The following VBP1 variants were observed in gnomAD, a reference collection of about 807,000 sequenced individuals.
VBP1 encodes the protein VHL binding protein 1.
VBP1 carries 4 observed loss-of-function variants against 15.5 expected under a neutral mutation model. That is an observed-to-expected ratio of 0.26 (90% confidence interval 0.13 to 0.59). The LOEUF (loss-of-function observed/expected upper bound fraction) is 0.59. Among genes scored for constraint, VBP1 ranks in the 20% least tolerant of loss-of-function variants. The probability of loss-of-function intolerance (pLI) is 0.90; values close to 1 mark genes in which losing one functional copy is unlikely to be tolerated. For missense variants in VBP1, 108 were observed against 139.6 expected, an observed-to-expected ratio of 0.77 and a Z score of 1.14; for synonymous variants, 61 against 52.1, an observed-to-expected ratio of 1.17 and a Z score of -0.74.
At chrX:155,211,278 C>T (rs1368125149) in intron 2 of VBP1, among the ~76,000 whole-genome samples, 1 of 112,084 alleles carries the variant, frequency 8.9e-6, no homozygotes, top group Non-Finnish European at 1.9e-5. Context: ...TACACTGCAT[C>T]GGATTCTTCT....
intron 3 of VBP1, 28 bp from the exon 4 acceptor site, chrX:155,228,356 T>G: frequency 9.0e-7 from 1 of 1,113,004 alleles, no homozygotes; most frequent in Non-Finnish European, 1.2e-6. Flanking sequence ...CTGTTTATGG[T>G]ACTGTCATTT....
chrX:155,203,690 C>T (rs1259046435), intron 1 of VBP1, among the ~76,000 whole-genome samples: 3 of 108,393 alleles, frequency 2.8e-5, no homozygotes, highest in Admixed American at 9.8e-5. Context: ...AGCACACCAG[C>T]GTGGCACATG....
At chrX:155,230,310 T>C (rs2074739427) in intron 4 of VBP1, among the ~76,000 whole-genome samples, 1 of 111,978 alleles carries the variant, frequency 8.9e-6, no homozygotes, top group South Asian at 3.8e-4. Flanking sequence ...CCAAATAAAG[T>C]CACATTCTGA....
chrX:155,203,867 G>A (rs1371526981), intron 1 of VBP1, among the ~76,000 whole-genome samples: 3 of 112,025 alleles, frequency 2.7e-5, no homozygotes, highest in African/African-American at 9.7e-5. Flanking sequence ...AGAGGACATA[G>A]TATACAAAGT....
intron 1 of VBP1, among the ~76,000 whole-genome samples, chrX:155,205,338 G>A (rs782611640): frequency 1.8e-5 from 2 of 111,145 alleles, no homozygotes; most frequent in South Asian, 3.8e-4. Flanking sequence ...CAAATTGCAC[G>A]TGTCCAAAAC....
intron 1 of VBP1, among the ~76,000 whole-genome samples, chrX:155,217,610 G>A (rs1276726039): frequency 1.8e-5 from 2 of 111,957 alleles, no homozygotes; most frequent in Non-Finnish European, 3.8e-5. Flanking sequence ...ATTGAATTTC[G>A]TAATTGGTTA....
intron 5 of VBP1, among the ~76,000 whole-genome samples, chrX:155,237,381 A>G (rs925556778): frequency 5.4e-5 from 6 of 111,726 alleles, no homozygotes; most frequent in Non-Finnish European, 7.5e-5. Flanking sequence ...CAAAACCTGC[A>G]CTCAGAACCT....
At position 155,216,479 on chromosome X, in the gene VBP1, C is replaced by A; in HGVS notation, c.-4C>A. 5 of 1,167,568 alleles carry A rather than the reference C, an allele frequency of 4.3e-6. No individual in the cohort carries two copies. The highest frequency in any genetic ancestry group is 2.4e-4 in the Middle Eastern group (1 of 4,105). ...GGAGGCAGTCGCGCGCTCGCATCCC[C>A]AAGATGGCGGCCGTTAAGGACAGTT... is the stretch of plus-strand genomic sequence containing the variant. On this transcript the variant is annotated 5_prime_UTR_variant, in exon 1 of 6. Coordinates refer to ENST00000286428, the MANE Select transcript of VBP1 (RefSeq NM_003372.7).
At chrX:155,216,435 C>CCCGGCGG (rs1312610411), upstream of VBP1, 34 of 1,155,610 alleles carry the variant, frequency 2.9e-5, no homozygotes, top group South Asian at 1.8e-4. Context: ...ATCACGGAAT[C>CCCGGCGG]CCGGCGGCCG....
intron 1 of VBP1, among the ~76,000 whole-genome samples, chrX:155,199,890 C>T (rs1226179638): frequency 1.8e-5 from 2 of 111,465 alleles, no homozygotes; most frequent in East Asian, 5.6e-4. Context: ...CACACATAGG[C>T]TCAAAATAAA....
chrX:155,197,918 T>G (rs1459136631), intron 1 of VBP1, among the ~76,000 whole-genome samples: 5 of 112,265 alleles, frequency 4.5e-5, no homozygotes, highest in Non-Finnish European at 9.4e-5. Context: ...ATACTGTGCT[T>G]TTCCGATGGG....
intron 2 of VBP1, among the ~76,000 whole-genome samples, chrX:155,223,907 G>A (rs868968188): frequency 4.6e-5 from 5 of 107,970 alleles, no homozygotes; most frequent in African/African-American, 1.4e-4. Context: ...CGGGCGGAGG[G>A]GCTCCTCACC....
intron 1 of VBP1, among the ~76,000 whole-genome samples, chrX:155,202,743 C>A (rs1229271560): frequency 2.8e-5 from 3 of 106,157 alleles, no homozygotes; most frequent in Admixed American, 1.0e-4. Context: ...GCAACAAAAG[C>A]CAAAATTGAC....
At chrX:155,224,851 A>T (rs781945620) in intron 2 of VBP1, among the ~76,000 whole-genome samples, 2 of 111,057 alleles carry the variant, frequency 1.8e-5, no homozygotes, top group Non-Finnish European at 1.9e-5. Flanking sequence ...ACAGATGTTG[A>T]CACTTCTAAT....
chrX:155,203,541 A>G (rs1297003266), intron 1 of VBP1, among the ~76,000 whole-genome samples: 1 of 100,032 alleles, frequency 1.0e-5, no homozygotes, highest in Non-Finnish European at 2.0e-5. Flanking sequence ...GTTCTCACTC[A>G]TAGGTGGGAA....
rs2074727083 is a variant in VBP1 at position 155,228,040 on chromosome X, T to C, written c.286-344T>C. On this transcript the variant is annotated intron_variant, in intron 3 of 5. Transcript: ENST00000286428. ...AATGGCTAATTCTTACAATAATGCC[T>C]TCTCTGTATGTCAGGCACTCGGGGG... is the stretch of plus-strand genomic sequence containing the variant. Among the ~76,000 whole-genome samples, 6 of 112,071 alleles carry C rather than the reference T, an allele frequency of 5.4e-5. No homozygotes were observed. In the South Asian group the frequency reaches 2.2e-3, roughly 42 times the overall value.
intron 2 of VBP1, among the ~76,000 whole-genome samples, chrX:155,223,270 A>G (rs1295590544): frequency 9.5e-6 from 1 of 105,064 alleles, no homozygotes; most frequent in Non-Finnish European, 2.0e-5. Flanking sequence ...GGGTCATAGG[A>G]CAATAGTGGA....
upstream of VBP1, among the ~76,000 whole-genome samples, chrX:155,212,417 T>C (rs2074648135): frequency 9.0e-6 from 1 of 111,716 alleles, no homozygotes; most frequent in East Asian, 2.8e-4. Context: ...AAGATCAGGT[T>C]TTCTAAATTG....
intron 1 of VBP1, among the ~76,000 whole-genome samples, chrX:155,217,229 A>G (rs1487073881): frequency 2.7e-5 from 3 of 112,058 alleles, no homozygotes; most frequent in Non-Finnish European, 3.8e-5. Flanking sequence ...TTGAGAGAGG[A>G]GGCTGAACCC....
Sources: gnomAD v4.1 joint callset for allele counts (sites outside exome capture counted in the v4.1 genomes callset) on GRCh38, gnomAD v4.1.1 for gene constraint, MANE v1.5 for transcripts, NCBI Gene and HGNC (gene_info 2026-07-23, HGNC 2026-07-21) for gene names.